The following MRM2 variants were observed in gnomAD, a reference collection of about 807,000 sequenced individuals.
MRM2 encodes the protein rRNA methyltransferase 2, mitochondrial.
A neutral mutation model predicts 10.9 loss-of-function variants in MRM2; 15 were observed. The observed-to-expected ratio is 1.37, with a 90% CI of 0.92 to 2.11. The LOEUF (loss-of-function observed/expected upper bound fraction) is 2.11, where lower values mean the gene tolerates loss of function less well. Among genes scored for constraint, MRM2 ranks in the 30% most tolerant of loss-of-function variants. MRM2 has a pLI of 0.00. For synonymous variants in MRM2, 139 were observed against 128.7 expected (o/e 1.08, Z -0.54); for missense variants, 328 against 321.3 (o/e 1.02, Z -0.16).
Position 2,239,640 on chromosome 7 carries a change from T to A in MRM2, c.76A>T (p.Asn26Tyr). Residue 26 changes from asparagine to tyrosine, a missense_variant, in exon 2 of 3, where the codon AAT (asparagine) becomes TAT (tyrosine). Physicochemically the swap from Asn to Tyr is moderately radical, Grantham distance 143. Transcript: ENST00000242257. ...CACAGGTGCTCAGCGCCTGTCCGAT[T>A]CTTGCAGCGACTCCCAACAGTGTGG... Reference protein sequence around the residue: ...GFHTVGSRCKNRTGAEHLWLT... With the variant: ...GFHTVGSRCKYRTGAEHLWLT... The A allele has an allele frequency of 6.2e-7, 1 of 1,614,082 alleles. No individual in the cohort carries two copies.
intron 2 of MRM2, among the ~76,000 whole-genome samples, chr7:2,236,184 C>T (rs558088350): frequency 1.1e-4 from 17 of 152,048 alleles, no homozygotes; most frequent in Non-Finnish European, 2.1e-4. Context: ...GAGCCAAGAT[C>T]GCACCACTGC....
chr7:2,237,844 T>C (rs1794444844), intron 2 of MRM2, among the ~76,000 whole-genome samples: 1 of 133,568 alleles, frequency 7.5e-6, no homozygotes, highest in Non-Finnish European at 1.5e-5. Flanking sequence ...TGAGCCGAGA[T>C]GGCGCCATTG....
Position 2,235,239 on chromosome 7 carries a change from C to G in MRM2, c.624G>C (p.Leu208=). Residue 208 remains leucine (L), a synonymous_variant, in exon 3 of 3, where the codon CTG becomes CTC. Transcript: ENST00000242257. The part of the protein sequence containing the change: ...GSQSRRLQRR[L]TEEFQNVRII... ...TCCTTACATTCTGGAATTCCTCTGTCAGTCTCCTCTGTAACCGACGGCTTT... is the reference window on the plus strand; with the variant it reads ...TCCTTACATTCTGGAATTCCTCTGTGAGTCTCCTCTGTAACCGACGGCTTT... 6.2e-7 allele frequency: 1 copy of G among 1,614,076 alleles called. No homozygotes were observed. Among genetic ancestry groups the G allele is most frequent in the Non-Finnish European group, 8.5e-7 (1 of 1,179,954 alleles).
chr7:2,236,801 C>G (rs1794426376), intron 2 of MRM2, among the ~76,000 whole-genome samples: 1 of 152,084 alleles, frequency 6.6e-6, no homozygotes, highest in African/African-American at 2.4e-5. Flanking sequence ...AATTTCTCAA[C>G]AGAACTACGG....
chr7:2,242,115 C>A, intron 1 of MRM2, 47 bp downstream of exon 1: 1 of 1,579,082 alleles, frequency 6.3e-7, no homozygotes, highest in Non-Finnish European at 8.6e-7. Context: ...GGGCGGACCC[C>A]CAACCACTCC....
intron 2 of MRM2, 45 bp from the exon 3 acceptor site, chr7:2,235,609 CT>C (rs1562400294): frequency 7.4e-7 from 1 of 1,355,790 alleles, no homozygotes; most frequent in Non-Finnish European, 1.0e-6. Context: ...CACCCTGAAT[CT>C]TTTTACAAAA....
intron 1 of MRM2, 159 bp downstream of exon 1, chr7:2,242,003 C>G: frequency 1.3e-6 from 1 of 745,124 alleles, no homozygotes; most frequent in Non-Finnish European, 2.0e-6. Flanking sequence ...CGGGGAACTG[C>G]GACCCGGAAT....
rs565288530 is a variant in MRM2 at position 2,234,776 on chromosome 7, G to A, written c.*346C>T. ...TTAACAGTCTATAAGATGAAGTCCC[G>A]TCAAGGCACACATGGGCACACCCAT... On this transcript the variant is annotated 3_prime_UTR_variant, in exon 3 of 3. Transcript: ENST00000242257. 8.0e-4 allele frequency: 244 copies of A among 306,022 alleles called. 3 individuals are homozygous for A. The highest frequency in any genetic ancestry group is 2.2e-3 in the Middle Eastern group (2 of 904). 19.0% of individuals were successfully genotyped at this position (306,022 alleles called of 1,614,324 possible).
At chr7:2,237,839 C>T (rs1200010125) in intron 2 of MRM2, among the ~76,000 whole-genome samples, 2 of 146,668 alleles carry the variant, frequency 1.4e-5, no homozygotes, top group African/African-American at 5.1e-5. Context: ...TACAGTGAGC[C>T]GAGATGGCGC....
intron 2 of MRM2, chr7:2,238,995 A>G (rs1167426395): frequency 1.6e-5 from 1 of 60,714 alleles, no homozygotes; most frequent in Non-Finnish European, 2.9e-5. Context: ...ATATATATAT[A>G]TATATATATA....
intron 2 of MRM2, chr7:2,238,902 C>A: frequency 5.2e-6 from 1 of 193,958 alleles, no homozygotes; most frequent in South Asian, 1.2e-4. Flanking sequence ...GAGATCACAC[C>A]ATTGCACTGC....
At position 2,239,443 on chromosome 7, in the gene MRM2, C is replaced by A. The variant is rs1341188711; in HGVS notation, c.273G>T (p.Val91=). ...CTGTGCCTGCGGCGTTGACCTTCTG[C>A]ACCGCCACCTGACTCCAGGCCCCAG... The part of the protein sequence containing the change: ...AAPGAWSQVA[V]QKVNAAGTDP... Residue 91 remains valine, a synonymous_variant, in exon 2 of 3, where the codon GTG becomes GTT. Coordinates refer to ENST00000242257, the MANE Select transcript of MRM2 (RefSeq NM_013393.3). 6.2e-7 allele frequency: 1 copy of A among 1,611,170 alleles called. No homozygotes were observed. The highest frequency in any genetic ancestry group is 1.7e-5 in the Admixed American group (1 of 59,874).
chr7:2,237,011 T>C (rs1250566840), intron 2 of MRM2, among the ~76,000 whole-genome samples: 1 of 149,280 alleles, frequency 6.7e-6, no homozygotes, highest in Non-Finnish European at 1.5e-5. Flanking sequence ...TATCAGCAAG[T>C]TATCTTTGTG....
At chr7:2,240,478 G>C (rs529453425) in intron 1 of MRM2, among the ~76,000 whole-genome samples, 2 of 148,276 alleles carry the variant, frequency 1.3e-5, no homozygotes, top group Admixed American at 6.7e-5. Context: ...ACGGTTCAAC[G>C]CAGATTCGAA....
rs754684144 is a variant in MRM2, at chr7:2,239,565, T to C, written c.151A>G (p.Ser51Gly). 1.9e-6 allele frequency: 3 copies of C among 1,613,870 alleles called. No homozygotes were observed. ...DPFVKAAKVE[S>G]YRCRSAFKLL... ...TTGAAGGCGCTTCGACACCGGTAAC[T>C]CTCCACCTTCGCAGCCTTCACAAAT... The change falls in exon 2 of 3, where the codon AGT (serine) becomes GGT (glycine). Residue 51 changes from serine (S) to glycine (G), a missense_variant. By Grantham distance (56) the Ser-to-Gly change is moderately conservative. Transcript: ENST00000242257.
Position 2,235,242 on chromosome 7 carries a change from T to C in MRM2, c.621A>G (p.Arg207=). ...TTACATTCTGGAATTCCTCTGTCAGTCTCCTCTGTAACCGACGGCTTTGAC... is the reference window on the plus strand; with the variant it reads ...TTACATTCTGGAATTCCTCTGTCAGCCTCCTCTGTAACCGACGGCTTTGAC... ...AGSQSRRLQR[R]LTEEFQNVRI... Residue 207 remains arginine, a synonymous_variant, in exon 3 of 3, where the codon AGA becomes AGG. Transcript: ENST00000242257. 6.2e-7 allele frequency: 1 copy of C among 1,614,020 alleles called. No homozygotes were observed. The highest frequency in any genetic ancestry group is 8.5e-7 in the Non-Finnish European group (1 of 1,179,922).
At chr7:2,237,959 G>A (rs2115041781) in intron 2 of MRM2, 1 of 152,198 alleles carries the variant, frequency 6.6e-6, no homozygotes, top group South Asian at 2.1e-4. Context: ...CCTAAGTATG[G>A]GCAGGGGCCA....
In MRM2 at chr7:2,239,575, C is replaced by T. The variant is rs142976260; in HGVS notation, c.141G>A (p.Ala47=). The change falls in exon 2 of 3, where the codon GCG becomes GCA. Residue 47 remains alanine (A), a synonymous_variant. Transcript: ENST00000242257. ...RHLRDPFVKA[A]KVESYRCRSA... ...TTCGACACCGGTAACTCTCCACCTTCGCAGCCTTCACAAATGGGTCCCTGA... is the reference window on the plus strand; with the variant it reads ...TTCGACACCGGTAACTCTCCACCTTTGCAGCCTTCACAAATGGGTCCCTGA... The T allele has an allele frequency of 1.9e-6, 3 of 1,614,126 alleles. No homozygotes were observed. Among genetic ancestry groups the T allele is most frequent in the South Asian group, 1.1e-5 (1 of 91,090 alleles).
intron 2 of MRM2, chr7:2,238,980 TATATATATATATATATA>T (rs1562401555): frequency 0.01 from 149 of 14,754 alleles, 3 homozygotes; most frequent in African/African-American, 0.063. Context: ...ATAATAATTA[TATATATATATATATATA>T]TATATATATA....
Sources: allele counts gnomAD v4.1 joint callset (sites outside exome capture counted in the v4.1 genomes callset), GRCh38; gene constraint gnomAD v4.1.1; transcripts MANE v1.5; gene names NCBI Gene and HGNC (gene_info 2026-07-23, HGNC 2026-07-21).